Variants in PTPRQ observed in about 807,000 individuals in gnomAD.
PTPRQ encodes phosphatidylinositol phosphatase PTPRQ.
A neutral mutation model predicts 246.0 loss-of-function variants in PTPRQ; 199 were observed. The ratio of observed to expected loss-of-function variants is 0.81; its 90% confidence interval spans 0.72 to 0.91. PTPRQ has a LOEUF of 0.91. Ranked by LOEUF, PTPRQ falls within the 40% of genes least tolerant of loss-of-function variation. The pLI is 0.00. For missense variants in PTPRQ, 2,624 were observed against 2,528.4 expected (o/e 1.04, Z -0.81); for synonymous variants, 869 against 853.2 (o/e 1.02, Z -0.32).
chr12:80,474,452 A>T (rs1214142104), intron 8 of PTPRQ, among the ~76,000 whole-genome samples: 1 of 152,166 alleles, frequency 6.6e-6, no homozygotes. Context: ...GTGCTATTAC[A>T]TTACAGTGGA....
At chr12:80,611,788 T>G (rs1250701010) in intron 28 of PTPRQ, among the ~76,000 whole-genome samples, 2 of 150,464 alleles carry the variant, frequency 1.3e-5, no homozygotes, top group Admixed American at 1.3e-4. Context: ...AATCACATCC[T>G]AAATTTAGAG....
At chr12:80,508,441 G>A (rs4129046) in intron 16 of PTPRQ, among the ~76,000 whole-genome samples, 1 of 151,874 alleles carries the variant, frequency 6.6e-6, no homozygotes, top group Admixed American at 6.6e-5. Context: ...AAAGCGTAGC[G>A]GTGGAAGTTA....
At chr12:80,448,052 T>C (rs1892606722) in intron 3 of PTPRQ, among the ~76,000 whole-genome samples, 1 of 152,128 alleles carries the variant, frequency 6.6e-6, no homozygotes, top group African/African-American at 2.4e-5. Context: ...GTTTGTGTCA[T>C]CTCTAATTTA....
intron 4 of PTPRQ, 97 bp downstream of exon 4, chr12:80,457,741 T>C (rs936351859): frequency 1.0e-5 from 4 of 396,816 alleles, no homozygotes; most frequent in Middle Eastern, 3.6e-4. Flanking sequence ...AAAATACATA[T>C]AATTCTCAGT....
chr12:80,642,024 G>A (rs935622878), intron 35 of PTPRQ, among the ~76,000 whole-genome samples: 5 of 148,456 alleles, frequency 3.4e-5, no homozygotes, highest in Non-Finnish European at 5.9e-5. Context: ...TCTCTCTAAC[G>A]CCAAATTTTC....
At chr12:80,564,444 A>G (rs1045176535) in intron 25 of PTPRQ, among the ~76,000 whole-genome samples, 3 of 152,146 alleles carry the variant, frequency 2.0e-5, no homozygotes, top group African/African-American at 4.8e-5. Context: ...GAAAGAATAC[A>G]TCTACTTCAT....
chr12:80,569,562 A>C (rs2120949477), intron 25 of PTPRQ, among the ~76,000 whole-genome samples: 1 of 152,172 alleles, frequency 6.6e-6, no homozygotes, highest in South Asian at 2.1e-4. Context: ...AAAACAAAAC[A>C]AAACAAAAAG....
intron 25 of PTPRQ, among the ~76,000 whole-genome samples, chr12:80,581,898 T>C (rs1565799763): frequency 6.6e-6 from 1 of 152,198 alleles, no homozygotes; most frequent in East Asian, 1.9e-4. Context: ...TCTGAAACTT[T>C]TATTGCATAC....
At chr12:80,670,287 A>G (rs1900927149) in intron 41 of PTPRQ, 57 bp from the exon 42 acceptor site, 1 of 1,539,356 alleles carries the variant, frequency 6.5e-7, no homozygotes, top group Admixed American at 2.0e-5. Flanking sequence ...ATTGCCTTCA[A>G]CCTTCATTGT....
At position 80,468,554 on chromosome 12, in the gene PTPRQ, A is replaced by T. The variant is rs575557784; in HGVS notation, c.911-156A>T. On this transcript the variant is annotated intron_variant, in intron 6 of 44. Coordinates refer to ENST00000644991, the MANE Select transcript of PTPRQ (RefSeq NM_001145026.2). ...CATGTGTTATTCACAATTTTCAATT[A>T]TATTCCATTTATTCTTTTTTAAGAT... Among the ~76,000 whole-genome samples the T allele has an allele frequency of 1.9e-3, 297 of 152,332 alleles. 4 individuals carry two copies. The highest frequency in any genetic ancestry group is 6.7e-3 in the African/African-American group (278 of 41,590).
At chr12:80,660,367 C>T (rs1900588426) in intron 39 of PTPRQ, among the ~76,000 whole-genome samples, 1 of 152,004 alleles carries the variant, frequency 6.6e-6, no homozygotes, top group African/African-American at 2.4e-5. Context: ...GTGTTTTCCT[C>T]TGCCGTTGGC....
intron 17 of PTPRQ, among the ~76,000 whole-genome samples, chr12:80,518,944 G>A (rs559749311): frequency 3.3e-5 from 5 of 152,150 alleles, no homozygotes; most frequent in East Asian, 3.9e-4. Flanking sequence ...GCTTAGGATA[G>A]CTTTGTTATT....
intron 8 of PTPRQ, among the ~76,000 whole-genome samples, chr12:80,477,237 C>G (rs1346236811): frequency 7.9e-5 from 12 of 152,080 alleles, no homozygotes; most frequent in Non-Finnish European, 8.8e-5. Flanking sequence ...AATCAATCAA[C>G]TCTTCAAACA....
rs1355198866 is a variant in PTPRQ, at chr12:80,459,305, T to A, written c.482T>A (p.Leu161His). 2.5e-6 allele frequency: 1 copy of A among 398,370 alleles called. No individual in the cohort carries two copies. Among genetic ancestry groups the A allele is most frequent in the Non-Finnish European group, 4.4e-6 (1 of 225,946 alleles). The allele number at this position is 398,370 out of a possible 1,614,324, so 24.7% of individuals were successfully genotyped here. Residue 161 changes from leucine (L) to histidine (H), a missense_variant, in exon 5 of 45, where the codon CTC becomes CAC. By Grantham distance (99) the Leu-to-His change is moderately conservative. Coordinates refer to ENST00000644991, the MANE Select transcript of PTPRQ (RefSeq NM_001145026.2). ...AESAPGKVVNLTVEAYNASAV... is the reference protein window; with the variant it reads ...AESAPGKVVNHTVEAYNASAV... ...CCAGCTCCAGGAAAAGTGGTGAATC[T>A]CACAGTTGAGGCCTACAACGCTTCA...
chr12:80,462,158 C>G (rs1468828903), intron 6 of PTPRQ: 2 of 274,144 alleles, frequency 7.3e-6, no homozygotes, highest in Non-Finnish European at 1.4e-5. Context: ...GTCACTCCCA[C>G]CCGAATACTG....
At chr12:80,663,154 T>G (rs1018421673) in intron 39 of PTPRQ, among the ~76,000 whole-genome samples, 2 of 151,752 alleles carry the variant, frequency 1.3e-5, no homozygotes, top group Non-Finnish European at 2.9e-5. Flanking sequence ...ATATATGTAT[T>G]AAAAAGAAAT....
chr12:80,632,118 A>AT, intron 33 of PTPRQ, 74 bp from the exon 34 acceptor site: 1 of 1,493,076 alleles, frequency 6.7e-7, no homozygotes, highest in Non-Finnish European at 9.0e-7. Flanking sequence ...CCAAGATAAT[A>AT]TTTTTTGGTA....
intron 8 of PTPRQ, among the ~76,000 whole-genome samples, chr12:80,475,792 AAAGT>A (rs2120561407): frequency 6.6e-6 from 1 of 152,176 alleles, no homozygotes; most frequent in South Asian, 2.1e-4. Context: ...ACTTACTAAG[AAAGT>A]AAGTATTGAA....
chr12:80,648,314 G>A (rs1315151729), intron 35 of PTPRQ, among the ~76,000 whole-genome samples: 2 of 151,998 alleles, frequency 1.3e-5, no homozygotes, highest in African/African-American at 4.8e-5. Flanking sequence ...TGTATGTTGT[G>A]TAGCCTATTT....
Sources: allele counts gnomAD v4.1 joint callset (sites outside exome capture counted in the v4.1 genomes callset), GRCh38; gene constraint gnomAD v4.1.1; transcripts MANE v1.5; gene names NCBI Gene and HGNC (gene_info 2026-07-23, HGNC 2026-07-21).